SHLD1: variants seen among roughly 807,000 people sequenced by gnomAD.
The protein encoded by SHLD1 is RINN1-REV7-interacting novel NHEJ regulator 3.
In SHLD1, 3 loss-of-function variants were observed where a neutral mutation model predicts 5.5. That is an observed-to-expected ratio of 0.54 (90% CI 0.25 to 1.40). The LOEUF is 1.40. Ranked by LOEUF, SHLD1 falls within the 40% of genes most tolerant of loss-of-function variation. The pLI, the probability that SHLD1 is intolerant of heterozygous loss-of-function variation, is 0.15. For synonymous variants in SHLD1, 92 were observed against 94.3 expected (o/e 0.98, Z 0.14); for missense variants, 210 against 244.4 (o/e 0.86, Z 0.94).
intron 1 of SHLD1, among the ~76,000 whole-genome samples, chr20:5,764,902 T>C (rs1204064228): frequency 1.3e-5 from 2 of 152,138 alleles, no homozygotes; most frequent in Non-Finnish European, 2.9e-5. Flanking sequence ...TTCTTATGTG[T>C]GCACCTTGAT....
intron 1 of SHLD1, among the ~76,000 whole-genome samples, chr20:5,763,075 G>A (rs1263777031): frequency 6.6e-6 from 1 of 151,992 alleles, no homozygotes; most frequent in Non-Finnish European, 1.5e-5. Flanking sequence ...GGGAGGCCGA[G>A]GCAGGCGGAT....
At chr20:5,856,411 A>G (rs1263571867) in intron 2 of SHLD1, among the ~76,000 whole-genome samples, 2 of 152,206 alleles carry the variant, frequency 1.3e-5, no homozygotes, top group African/African-American at 2.4e-5. Flanking sequence ...TGTTCACCCA[A>G]TGATTCTGTT....
chr20:5,850,209 A>G (rs796928615), intron 2 of SHLD1, among the ~76,000 whole-genome samples: 1 of 150,848 alleles, frequency 6.6e-6, no homozygotes, highest in South Asian at 2.1e-4. Flanking sequence ...CAGTCACTCT[A>G]TTGAGTACCA....
At chr20:5,777,274 C>G in intron 2 of SHLD1, among the ~76,000 whole-genome samples, 1 of 152,126 alleles carries the variant, frequency 6.6e-6, no homozygotes, top group East Asian at 1.9e-4. Context: ...CAGGTGTGAG[C>G]CACCACACCC....
chr20:5,809,108 A>G (rs1463346790), intron 2 of SHLD1, among the ~76,000 whole-genome samples: 1 of 152,108 alleles, frequency 6.6e-6, no homozygotes, highest in African/African-American at 2.4e-5. Context: ...GGAGGTGAGA[A>G]ATGTTGGGGG....
intron 2 of SHLD1, among the ~76,000 whole-genome samples, chr20:5,826,726 T>C (rs995577426): frequency 1.3e-5 from 2 of 152,148 alleles, no homozygotes; most frequent in East Asian, 1.9e-4. Context: ...TTTGGGATGT[T>C]GACCAAGTCA....
chr20:5,769,203 A>T (rs1985012510), intron 1 of SHLD1, among the ~76,000 whole-genome samples: 1 of 152,216 alleles, frequency 6.6e-6, no homozygotes, highest in Admixed American at 6.5e-5. Context: ...CACTGCACCC[A>T]GCCTTATCAA....
chr20:5,835,284 C>T (rs1226853961), intron 2 of SHLD1, among the ~76,000 whole-genome samples: 1 of 152,204 alleles, frequency 6.6e-6, no homozygotes, highest in African/African-American at 2.4e-5. Context: ...ATTGTTCTTT[C>T]ACATTCAAAG....
At chr20:5,812,264 T>G (rs1180248088) in intron 2 of SHLD1, among the ~76,000 whole-genome samples, 1 of 152,232 alleles carries the variant, frequency 6.6e-6, no homozygotes, top group South Asian at 2.1e-4. Flanking sequence ...TAGTCCCTAG[T>G]GTTTTTTTCT....
At chr20:5,858,495 C>T (rs2088118651) in intron 2 of SHLD1, among the ~76,000 whole-genome samples, 2 of 152,158 alleles carry the variant, frequency 1.3e-5, no homozygotes, top group Admixed American at 1.3e-4. Flanking sequence ...CAAATAAGCA[C>T]CTACAACTCC....
At chr20:5,826,908 C>G (rs2087672305) in intron 2 of SHLD1, among the ~76,000 whole-genome samples, 1 of 151,642 alleles carries the variant, frequency 6.6e-6, no homozygotes, top group Non-Finnish European at 1.5e-5. Flanking sequence ...CCCTCATATC[C>G]CCCCCTTCAC....
intron 2 of SHLD1, among the ~76,000 whole-genome samples, chr20:5,853,403 G>A (rs1029074584): frequency 2.0e-5 from 3 of 152,194 alleles, no homozygotes; most frequent in South Asian, 2.1e-4. Flanking sequence ...CCAAGATCGC[G>A]CCACTGCACT....
chr20:5,823,162 TGGCTCCTGG>T (rs1420908473), intron 2 of SHLD1, among the ~76,000 whole-genome samples: 1 of 152,084 alleles, frequency 6.6e-6, no homozygotes, highest in Non-Finnish European at 1.5e-5. Flanking sequence ...GTTCTTCCCT[TGGCTCCTGG>T]GACCCCTCCC....
chr20:5,803,009 GC>G (rs1490979364), intron 2 of SHLD1, among the ~76,000 whole-genome samples: 1 of 152,120 alleles, frequency 6.6e-6, no homozygotes, highest in Non-Finnish European at 1.5e-5. Context: ...ACCAGTCCCG[GC>G]CTTCCCTTCT....
At position 5,806,886 on chromosome 20, in the gene SHLD1, T is replaced by C. The variant is rs368191432; in HGVS notation, c.178+33843T>C. ...CTCCACTAGAATGCCATGTATTATG[T>C]ATTTCCACTGAAGGACTTGATTTTA... On this transcript the variant is annotated intron_variant, in intron 2 of 2. Transcript: ENST00000303142. The surrounding 1 kb of genome is among the most constrained non-coding windows in gnomAD (Gnocchi z 7.6). 1.1e-4 allele frequency among the ~76,000 whole-genome samples: 17 copies of C among 152,384 alleles called. No homozygotes were observed. In the East Asian group the frequency reaches 2.9e-3, roughly 26 times the overall value.
At chr20:5,828,007 CA>C (rs2087686216) in intron 2 of SHLD1, among the ~76,000 whole-genome samples, 1 of 152,124 alleles carries the variant, frequency 6.6e-6, no homozygotes, top group Admixed American at 6.5e-5. Context: ...ATGACTGATG[CA>C]AAGATACGAT....
chr20:5,798,806 G>T (rs2087249629), intron 2 of SHLD1, among the ~76,000 whole-genome samples: 1 of 151,280 alleles, frequency 6.6e-6, no homozygotes, highest in Non-Finnish European at 1.5e-5. Flanking sequence ...TTTTAATAGA[G>T]ATGGGGTTTC....
At chr20:5,777,358 G>A (rs1473976201) in intron 2 of SHLD1, among the ~76,000 whole-genome samples, 2 of 152,008 alleles carry the variant, frequency 1.3e-5, no homozygotes, top group African/African-American at 4.8e-5. Flanking sequence ...AATAAGTGAG[G>A]AAACAAACTT....
chr20:5,854,527 A>G (rs2088056174), intron 2 of SHLD1, among the ~76,000 whole-genome samples: 1 of 152,210 alleles, frequency 6.6e-6, no homozygotes, highest in African/African-American at 2.4e-5. Flanking sequence ...AACTAGCAGA[A>G]CACAGAAACC....
Sources: gnomAD v4.1 joint callset for allele counts (sites outside exome capture counted in the v4.1 genomes callset) on GRCh38, gnomAD v4.1.1 for gene constraint, Gnocchi (gnomAD v3.1) non-coding constraint, MANE v1.5 for transcripts, NCBI Gene and HGNC (gene_info 2026-07-23, HGNC 2026-07-21) for gene names.